HOGA1: variants seen among roughly 807,000 people sequenced by gnomAD.
The protein encoded by HOGA1 is 4-hydroxy-2-oxoglutarate aldolase, mitochondrial.
HOGA1 carries 30 observed loss-of-function variants against 34.3 expected under a neutral mutation model. The observed-to-expected ratio is 0.87, with a 90% confidence interval of 0.65 to 1.19. The LOEUF is 1.19. HOGA1 is among the 50% of genes most tolerant of loss of function. The pLI, the probability that HOGA1 is intolerant of heterozygous loss-of-function variation, is 0.00. For synonymous variants in HOGA1, 161 were observed against 174.0 expected (o/e 0.93, Z 0.59); for missense variants, 417 against 436.5 (o/e 0.96, Z 0.40).
At chr10:97,605,048 A>G (rs921342875) in intron 6 of HOGA1, among the ~76,000 whole-genome samples, 1 of 152,044 alleles carries the variant, frequency 6.6e-6, no homozygotes, top group Non-Finnish European at 1.5e-5. Context: ...ATAAGTTTTC[A>G]TTTTTCTGGG....
In HOGA1 at chr10:97,611,426, G is replaced by T. The variant is rs1265287272; in HGVS notation, c.835-84G>T. 4 of 1,507,086 alleles carry T rather than the reference G, an allele frequency of 2.7e-6. No homozygotes were observed. The African/African-American group carries it at 5.5e-5, about 21-fold the overall frequency. 93.4% of individuals were successfully genotyped at this position (1,507,086 alleles called of 1,614,324 possible). A position where few individuals can be genotyped will look rare whatever the true frequency, so the allele number is the denominator to read the frequency against. On this transcript the variant is annotated intron_variant, in intron 6 of 6. Coordinates refer to ENST00000370646, the MANE Select transcript of HOGA1 (RefSeq NM_138413.4). Reference sequence around the variant, plus strand: ...TGGGGGAAGAGGGTAGGACTTCAATGTTCTGAAAGTGACAGATCTCCGAGT... The same window carrying T: ...TGGGGGAAGAGGGTAGGACTTCAATTTTCTGAAAGTGACAGATCTCCGAGT...
intron 3 of HOGA1, 24 bp downstream of exon 3, chr10:97,599,240 G>A (rs2041096965): frequency 1.2e-6 from 2 of 1,613,846 alleles, no homozygotes; most frequent in South Asian, 1.1e-5. Flanking sequence ...CTGAGACCAA[G>A]AGGAGGCTCT....
At chr10:97,602,028 G>A (rs376540687) in intron 6 of HOGA1, 38 bp downstream of exon 6, 18 of 1,588,454 alleles carry the variant, frequency 1.1e-5, no homozygotes, top group Admixed American at 5.4e-5. Flanking sequence ...CTGGCGGGGG[G>A]TGGGCAGTCT....
At chr10:97,585,156 T>G (rs2040958590) in intron 1 of HOGA1, among the ~76,000 whole-genome samples, 1 of 152,236 alleles carries the variant, frequency 6.6e-6, no homozygotes, top group African/African-American at 2.4e-5. Context: ...AGCTGTAAAC[T>G]GTTAAAGTGC....
intron 1 of HOGA1, among the ~76,000 whole-genome samples, chr10:97,594,166 G>A (rs1221109276): frequency 7.7e-6 from 1 of 129,040 alleles, no homozygotes; most frequent in Non-Finnish European, 1.6e-5. Flanking sequence ...ACTGCGCCTG[G>A]TCTTTTTTTT....
At chr10:97,594,693 G>A (rs1437659998) in intron 1 of HOGA1, among the ~76,000 whole-genome samples, 2 of 151,984 alleles carry the variant, frequency 1.3e-5, no homozygotes, top group African/African-American at 4.8e-5. Flanking sequence ...GTTTCACCAT[G>A]TTGGCCAGGC....
chr10:97,602,046 C>T (rs1673913867), intron 6 of HOGA1, 56 bp downstream of exon 6: 20 of 1,572,256 alleles, frequency 1.3e-5, no homozygotes, highest in Non-Finnish European at 1.6e-5. Context: ...TCTGTGTCCT[C>T]ATTGGAGCAG....
Position 97,599,669 on chromosome 10 carries a change from C to A in HOGA1, c.469-11C>A. 1.9e-5 allele frequency: 31 copies of A among 1,613,948 alleles called. No individual in the cohort carries two copies. The highest frequency in any genetic ancestry group is 2.6e-5 in the Non-Finnish European group (31 of 1,179,992). On this transcript the variant is annotated splice_polypyrimidine_tract_variant and intron_variant, in intron 3 of 6. Coordinates refer to ENST00000370646, the MANE Select transcript of HOGA1 (RefSeq NM_138413.4). ...GCCCTCTCCTGCTTTTCTCTGCGCC[C>A]CCCTCCCCAGGTTGCTGATCTCTCT...
At position 97,603,807 on chromosome 10, in the gene HOGA1, G is replaced by A. The variant is rs553975081; in HGVS notation, c.834+1817G>A. Among the ~76,000 whole-genome samples, 38 of 151,824 alleles carry A rather than the reference G, an allele frequency of 2.5e-4. 1 individual carries two copies. In the South Asian group the frequency reaches 7.1e-3, roughly 28 times the overall value. On this transcript the variant is annotated intron_variant, in intron 6 of 6. Transcript: ENST00000370646. This position sits in a 1 kb window ranked among gnomAD's most constrained non-coding sequence, Gnocchi z 4.5. Reference sequence around the variant, plus strand: ...GAACTCCTGACCTCATGATCCACCCGCCTCGACCTCCCAAAGTGCTGGGAT... The same window carrying A: ...GAACTCCTGACCTCATGATCCACCCACCTCGACCTCCCAAAGTGCTGGGAT...
At chr10:97,598,164 A>AT (rs1249727965) in intron 1 of HOGA1, among the ~76,000 whole-genome samples, 1 of 152,164 alleles carries the variant, frequency 6.6e-6, no homozygotes, top group Non-Finnish European at 1.5e-5. Context: ...CAGGTAGGCC[A>AT]TTTTTTGGTA....
chr10:97,590,384 A>C, intron 1 of HOGA1: 3 of 1,614,120 alleles, frequency 1.9e-6, no homozygotes, highest in Non-Finnish European at 2.5e-6. Flanking sequence ...GTCCAAGGAC[A>C]TCAACCAGGA....
At chr10:97,610,030 A>G (rs1194390237) in intron 6 of HOGA1, among the ~76,000 whole-genome samples, 1 of 152,182 alleles carries the variant, frequency 6.6e-6, no homozygotes, top group East Asian at 1.9e-4. Flanking sequence ...CTCCAAATAA[A>G]ACTTTCTTAA....
rs115864158 is a variant in HOGA1 at position 97,611,619 on chromosome 10, A to C, written c.944A>C (p.Glu315Ala). The change falls in exon 7 of 7, where the codon GAG (glutamate) becomes GCG (alanine). Residue 315 changes from glutamate (E) to alanine (A), a missense_variant. Glu to Ala is a moderately radical substitution (Grantham distance 107, BLOSUM62 -1). Transcript: ENST00000370646. ...CAGGAGCTGAGCCCCGCTGAGGAGG[A>C]GGCACTGCGCATGGATTTCACCAGC... Reference protein sequence around the residue: ...PLQELSPAEEEALRMDFTSNG... With the variant: ...PLQELSPAEEAALRMDFTSNG... 8.7e-6 allele frequency: 14 copies of C among 1,613,900 alleles called. No individual in the cohort carries two copies. The highest frequency in any genetic ancestry group is 1.2e-5 in the Non-Finnish European group (14 of 1,180,018).
Position 97,584,842 on chromosome 10 carries a change from A to C in HOGA1, c.139A>C (p.Thr47Pro), listed in dbSNP as rs1221444661. 2 of 1,614,006 alleles carry C rather than the reference A, an allele frequency of 1.2e-6. No homozygotes were observed. The highest frequency in any genetic ancestry group is 1.1e-5 in the South Asian group (1 of 91,080). ...GIYPPVTTPFTATAEVDYGKL... is the reference protein window; with the variant it reads ...GIYPPVTTPFPATAEVDYGKL... The stretch of plus-strand genomic sequence containing the variant: ...CTACCCCCCTGTGACCACCCCCTTC[A>C]CTGCCACTGCAGAGGTGGACTATGG... Residue 47 changes from threonine (T) to proline (P), a missense_variant, in exon 1 of 7, where the codon ACT (threonine) becomes CCT (proline). By Grantham distance (38) the Thr-to-Pro change is conservative. Transcript: ENST00000370646.
At chr10:97,592,303 C>T (rs561473270) in intron 1 of HOGA1, among the ~76,000 whole-genome samples, 9 of 140,496 alleles carry the variant, frequency 6.4e-5, no homozygotes, top group African/African-American at 1.1e-4. Context: ...TGCAGTGGTG[C>T]GATCTCGGCT....
chr10:97,597,943 C>CTA (rs2135720785), intron 1 of HOGA1, among the ~76,000 whole-genome samples: 1 of 152,198 alleles, frequency 6.6e-6, no homozygotes, highest in East Asian at 1.9e-4. Context: ...GAGTGAGACC[C>CTA]TCAAAGAAAA....
At chr10:97,602,989 G>A (rs145131217) in intron 6 of HOGA1, among the ~76,000 whole-genome samples, 4 of 151,980 alleles carry the variant, frequency 2.6e-5, no homozygotes, top group Admixed American at 6.6e-5. Context: ...ACAGTGCCCG[G>A]CCTATTCTTT....
At chr10:97,600,211 C>A in intron 5 of HOGA1, 48 bp downstream of exon 5, 1 of 1,490,456 alleles carries the variant, frequency 6.7e-7, no homozygotes, top group Non-Finnish European at 9.4e-7. Context: ...CAAGAGATAC[C>A]CAGGTACCTG....
At chr10:97,586,477 G>A (rs749927872) in intron 1 of HOGA1, among the ~76,000 whole-genome samples, 11 of 152,230 alleles carry the variant, frequency 7.2e-5, no homozygotes, top group Non-Finnish European at 1.6e-4. Flanking sequence ...GCCCTGTGGA[G>A]GGCCACGTTG....
Sources: allele counts gnomAD v4.1 joint callset (sites outside exome capture counted in the v4.1 genomes callset), GRCh38; gene constraint gnomAD v4.1.1; non-coding constraint Gnocchi (gnomAD v3.1); transcripts MANE v1.5; gene names NCBI Gene and HGNC (gene_info 2026-07-23, HGNC 2026-07-21).